Variants in DSE observed in about 807,000 individuals in gnomAD.
The protein encoded by DSE is dermatan-sulfate epimerase.
In DSE, 36 loss-of-function variants were observed where a neutral mutation model predicts 84.4. That is an observed-to-expected ratio of 0.43 (90% CI 0.33 to 0.56). The LOEUF (loss-of-function observed/expected upper bound fraction) is 0.56, where lower values mean the gene tolerates loss of function less well. DSE is among the 20% of genes least tolerant of loss of function. The pLI is 0.06. For synonymous variants in DSE, 410 were observed against 430.1 expected (o/e 0.95, Z 0.58); for missense variants, 862 against 1,169.6 (o/e 0.74, Z 3.84).
chr6:116,403,544 A>C (rs563334960), intron 2 of DSE, among the ~76,000 whole-genome samples: 1 of 152,174 alleles, frequency 6.6e-6, no homozygotes, highest in Non-Finnish European at 1.5e-5. Flanking sequence ...GTAGCTGAGA[A>C]AGAAAAGAGG....
At chr6:116,405,430 G>A (rs1781861110) in intron 2 of DSE, among the ~76,000 whole-genome samples, 2 of 152,150 alleles carry the variant, frequency 1.3e-5, no homozygotes, top group Non-Finnish European at 2.9e-5. Context: ...GACTCGTGGA[G>A]ACAAATGCTG....
At chr6:116,283,648 A>G (rs1429639457) in intron 2 of DSE, among the ~76,000 whole-genome samples, 1 of 152,038 alleles carries the variant, frequency 6.6e-6, no homozygotes, top group East Asian at 1.9e-4. Context: ...GGTTCAAGCA[A>G]TTCTCCTGCC....
intron 2 of DSE, among the ~76,000 whole-genome samples, chr6:116,324,924 T>C (rs1776533626): frequency 1.3e-5 from 2 of 152,210 alleles, no homozygotes; most frequent in Non-Finnish European, 2.9e-5. Context: ...CCATTTTATA[T>C]TTGTACTATG....
intron 1 of DSE, among the ~76,000 whole-genome samples, chr6:116,374,547 C>G (rs989641644): frequency 6.6e-6 from 1 of 152,134 alleles, no homozygotes; most frequent in Non-Finnish European, 1.5e-5. Flanking sequence ...TACTCTATTT[C>G]CTATTGTTTA....
intron 2 of DSE, 40 bp from the exon 3 acceptor site, chr6:116,426,534 G>A (rs778330357): frequency 1.3e-6 from 2 of 1,596,736 alleles, no homozygotes; most frequent in Non-Finnish European, 1.7e-6. Flanking sequence ...AAAGCTGTGA[G>A]TCTGATGAAC....
upstream of DSE, chr6:116,370,083 T>C: frequency 3.1e-6 from 2 of 645,124 alleles, no homozygotes; most frequent in South Asian, 3.6e-5. Flanking sequence ...TGGCTGAGCG[T>C]GTTTGAGCAG....
chr6:116,321,009 C>T (rs1238459528), intron 2 of DSE, among the ~76,000 whole-genome samples: 5 of 152,092 alleles, frequency 3.3e-5, no homozygotes, highest in Admixed American at 2.6e-4. Context: ...TGTCAGCAGG[C>T]TTGCTTGTGC....
Position 116,268,968 on chromosome 6 carries a change from A to AT in DSE, c.-54+10005dup, listed in dbSNP as rs1244942454. On this transcript the variant is annotated intron_variant, in intron 2 of 3. Transcript: ENST00000430252. Reference sequence around the variant, plus strand: ...AGGCTATCACTGTTACAAAAGTAATATTTTCTCAGGCTAATTATCTAGTTA... The same window carrying AT: ...AGGCTATCACTGTTACAAAAGTAATATTTTTCTCAGGCTAATTATCTAGTTA... 1.4e-4 allele frequency among the ~76,000 whole-genome samples: 21 copies of AT among 151,030 alleles called. 1 individual carries two copies. The South Asian group carries it at 4.0e-3, about 29-fold the overall frequency.
chr6:116,338,522 C>G (rs775946338), intron 2 of DSE, among the ~76,000 whole-genome samples: 4 of 152,124 alleles, frequency 2.6e-5, no homozygotes, highest in Non-Finnish European at 4.4e-5. Flanking sequence ...CTGTGCCCAG[C>G]CTACTATGCA....
chr6:116,310,513 C>T (rs1775630104), intron 2 of DSE, among the ~76,000 whole-genome samples: 3 of 152,144 alleles, frequency 2.0e-5, no homozygotes, highest in Non-Finnish European at 2.9e-5. Context: ...TACTCCTACT[C>T]CAGTTTTCCT....
intron 2 of DSE, among the ~76,000 whole-genome samples, chr6:116,331,709 A>G (rs1776950743): frequency 6.6e-6 from 1 of 152,206 alleles, no homozygotes; most frequent in African/African-American, 2.4e-5. Context: ...CTGTAGTCCC[A>G]GCACTTTGGG....
chr6:116,366,311 C>A (rs1168431883), upstream of DSE: 1 of 152,158 alleles, frequency 6.6e-6, no homozygotes, highest in Non-Finnish European at 1.5e-5. Flanking sequence ...GGTATCTAGA[C>A]TGGGACACAG....
intron 2 of DSE, among the ~76,000 whole-genome samples, chr6:116,403,872 C>T (rs1166693685): frequency 6.6e-6 from 1 of 152,132 alleles, no homozygotes; most frequent in Non-Finnish European, 1.5e-5. Context: ...TTTCTTTACA[C>T]CAGACTGACC....
intron 2 of DSE, among the ~76,000 whole-genome samples, chr6:116,346,197 G>A (rs533197203): frequency 6.6e-6 from 1 of 152,292 alleles, no homozygotes; most frequent in Admixed American, 6.5e-5. Context: ...GGTACAAGGA[G>A]GAGCTGGTAC....
chr6:116,300,897 T>G (rs375003636), intron 2 of DSE, among the ~76,000 whole-genome samples: 6 of 152,348 alleles, frequency 3.9e-5, no homozygotes, highest in Admixed American at 3.9e-4. Flanking sequence ...TGAAGTCATT[T>G]ATATATGATA....
chr6:116,390,873 T>C (rs1780859673), intron 1 of DSE, among the ~76,000 whole-genome samples: 2 of 152,156 alleles, frequency 1.3e-5, no homozygotes. Context: ...CAGATTTTAC[T>C]TTTTTTCTAC....
At chr6:116,294,122 C>T (rs1774497265) in intron 2 of DSE, among the ~76,000 whole-genome samples, 1 of 152,054 alleles carries the variant, frequency 6.6e-6, no homozygotes, top group Non-Finnish European at 1.5e-5. Context: ...CTCCTGGGCT[C>T]AAGCAATCCT....
chr6:116,411,034 T>C (rs1243474101), intron 2 of DSE, among the ~76,000 whole-genome samples: 1 of 152,148 alleles, frequency 6.6e-6, no homozygotes, highest in African/African-American at 2.4e-5. Flanking sequence ...GGTTTGGATT[T>C]GGATATACAG....
intron 1 of DSE, among the ~76,000 whole-genome samples, chr6:116,385,953 TA>T (rs1340423682): frequency 1.3e-5 from 2 of 152,190 alleles, no homozygotes; most frequent in Non-Finnish European, 1.5e-5. Context: ...ACTCATCCAA[TA>T]TATACAATTT....
Sources: gnomAD v4.1 joint callset for allele counts (sites outside exome capture counted in the v4.1 genomes callset) on GRCh38, gnomAD v4.1.1 for gene constraint, MANE v1.5 for transcripts, NCBI Gene and HGNC (gene_info 2026-07-23, HGNC 2026-07-21) for gene names.